The following LUZP2 variants were observed in gnomAD, a reference collection of about 807,000 sequenced individuals.
LUZP2 encodes leucine zipper protein 2.
LUZP2 carries 52 observed loss-of-function variants against 51.6 expected under a neutral mutation model. The ratio of observed to expected loss-of-function variants is 1.01; its 90% CI spans 0.81 to 1.27. The LOEUF is 1.27. LUZP2 is among the 50% of genes most tolerant of loss of function. LUZP2 has a pLI of 0.00. For synonymous variants in LUZP2, 154 were observed against 137.3 expected (o/e 1.12, Z -0.85); for missense variants, 436 against 395.4 (o/e 1.10, Z -0.87).
At chr11:24,765,516 G>A (rs186124327) in intron 5 of LUZP2, among the ~76,000 whole-genome samples, 4 of 151,972 alleles carry the variant, frequency 2.6e-5, no homozygotes, top group South Asian at 4.1e-4. Flanking sequence ...TGAGACAACC[G>A]TATGGGTTTT....
rs1342622120 is a variant in LUZP2, at chr11:25,018,083, G to T, written c.766-31955G>T. 3.1e-5 allele frequency among the ~76,000 whole-genome samples: 4 copies of T among 129,256 alleles called. No individual in the cohort carries two copies. In the Admixed American group the frequency reaches 3.3e-4, roughly 11 times the overall value. The allele number at this position is 129,256 out of a possible 152,430, so 84.8% of individuals were successfully genotyped here. A position where few individuals can be genotyped will look rare whatever the true frequency, so the allele number is the denominator to read the frequency against. On this transcript the variant is annotated intron_variant, in intron 9 of 11. Transcript: ENST00000336930. Reference sequence around the variant, plus strand: ...TTGCAGCTGTTTTAAAAAGGATTGAGTTCTTGACTTCTTGATTTGATATTC... The same window carrying T: ...TTGCAGCTGTTTTAAAAAGGATTGATTTCTTGACTTCTTGATTTGATATTC...
chr11:25,016,817 T>C (rs892900890), intron 9 of LUZP2, among the ~76,000 whole-genome samples: 1 of 152,156 alleles, frequency 6.6e-6, no homozygotes, highest in Non-Finnish European at 1.5e-5. Flanking sequence ...GATCGAATGG[T>C]AGATCTACTT....
chr11:24,527,567 TCACACACACACACA>T lies in LUZP2; in HGVS notation c.62+30281_62+30294del, dbSNP rs1554948856. 2.7e-4 allele frequency among the ~76,000 whole-genome samples: 36 copies of T among 131,644 alleles called. No individual in the cohort carries two copies. The East Asian group carries it at 4.8e-3, about 18-fold the overall frequency. 86.4% of individuals were successfully genotyped at this position (131,644 alleles called of 152,430 possible). On this transcript the variant is annotated intron_variant, in intron 1 of 11. Coordinates refer to ENST00000336930, the MANE Select transcript of LUZP2 (RefSeq NM_001009909.4). ...AAATAAGAATCTCTCTCTCTCTCTC[TCACACACACACACA>T]CACACACACACACACACATTTATTT... is the stretch of plus-strand genomic sequence containing the variant.
At chr11:24,683,214 A>G (rs765734102) in intron 1 of LUZP2, among the ~76,000 whole-genome samples, 1 of 152,328 alleles carries the variant, frequency 6.6e-6, no homozygotes, top group Admixed American at 6.5e-5. Flanking sequence ...ATGCTGCTTC[A>G]TTTCACTACA....
chr11:24,684,575 G>A (rs145430272), intron 1 of LUZP2, among the ~76,000 whole-genome samples: 4 of 152,318 alleles, frequency 2.6e-5, no homozygotes, highest in Non-Finnish European at 5.9e-5. Context: ...GCTTCAGGGA[G>A]CTGAAGCCAT....
chr11:24,580,483 C>A (rs1395668612), intron 1 of LUZP2, among the ~76,000 whole-genome samples: 1 of 152,040 alleles, frequency 6.6e-6, no homozygotes, highest in African/African-American at 2.4e-5. Flanking sequence ...AATTTGAGCA[C>A]CTAGCATAGC....
chr11:24,999,638 TA>T (rs1856619580), intron 9 of LUZP2, among the ~76,000 whole-genome samples: 1 of 152,234 alleles, frequency 6.6e-6, no homozygotes, highest in African/African-American at 2.4e-5. Context: ...GTGCTGAGAT[TA>T]CAGGTGTGAG....
At chr11:24,926,655 G>GTATATA (rs1565120814) in intron 7 of LUZP2, among the ~76,000 whole-genome samples, 19 of 126,110 alleles carry the variant, frequency 1.5e-4, no homozygotes, top group Non-Finnish European at 1.9e-4. Flanking sequence ...ATATATGTGT[G>GTATATA]TGTATATATA....
At chr11:24,840,059 T>A (rs974923) in intron 5 of LUZP2, among the ~76,000 whole-genome samples, 49,752 of 151,560 alleles carry the variant, frequency 0.33, 8,333 homozygotes, top group Admixed American at 0.36. Flanking sequence ...CAAAATTTTT[T>A]AAATTTCATT....
intron 1 of LUZP2, among the ~76,000 whole-genome samples, chr11:24,682,302 C>G (rs1190698407): frequency 6.6e-6 from 1 of 151,910 alleles, no homozygotes; most frequent in Non-Finnish European, 1.5e-5. Context: ...TGAGACCAGC[C>G]TGGCCAACAT....
intron 5 of LUZP2, chr11:24,892,140 G>T (rs371337058): frequency 1.0e-6 from 1 of 985,556 alleles, no homozygotes; most frequent in Non-Finnish European, 1.2e-6. Flanking sequence ...AGACTCGTTT[G>T]CTTGTTATTT....
chr11:25,035,858 A>C (rs765228151), intron 9 of LUZP2, among the ~76,000 whole-genome samples: 1 of 152,040 alleles, frequency 6.6e-6, no homozygotes, highest in South Asian at 2.1e-4. Context: ...CTGCTGCTGC[A>C]CTCAGTTTGC....
At chr11:25,017,156 G>C (rs1366316971) in intron 9 of LUZP2, among the ~76,000 whole-genome samples, 1 of 152,056 alleles carries the variant, frequency 6.6e-6, no homozygotes, top group Non-Finnish European at 1.5e-5. Flanking sequence ...TAAGTTCCTT[G>C]TAGATTCTGG....
chr11:24,602,148 ATGTATATATGTATATATG>A (rs1243236463), intron 1 of LUZP2, among the ~76,000 whole-genome samples: 10 of 83,104 alleles, frequency 1.2e-4, no homozygotes, highest in African/African-American at 5.2e-4. Context: ...ATATGTATAT[ATGTATATATGTATATATG>A]TGTATATATA....
intron 9 of LUZP2, among the ~76,000 whole-genome samples, chr11:25,016,443 T>G (rs769222198): frequency 1.3e-5 from 2 of 152,036 alleles, no homozygotes; most frequent in Non-Finnish European, 2.9e-5. Flanking sequence ...CTTAGAGTAA[T>G]GACCTCCAGT....
chr11:24,927,901 CTA>C (rs1565122425), intron 7 of LUZP2, among the ~76,000 whole-genome samples: 1 of 151,912 alleles, frequency 6.6e-6, no homozygotes, highest in Non-Finnish European at 1.5e-5. Flanking sequence ...TTTGTTTTGT[CTA>C]TGATTTCTTT....
intron 1 of LUZP2, among the ~76,000 whole-genome samples, chr11:24,691,302 T>G (rs1565079433): frequency 1.3e-5 from 2 of 151,986 alleles, no homozygotes; most frequent in Admixed American, 6.6e-5. Context: ...TTAAAAAAAT[T>G]TACATATTCA....
intron 7 of LUZP2, among the ~76,000 whole-genome samples, chr11:24,927,947 T>A (rs1854329230): frequency 6.6e-6 from 1 of 152,004 alleles, no homozygotes; most frequent in Non-Finnish European, 1.5e-5. Context: ...TGTAGAGACC[T>A]TTCACCTCCT....
At chr11:24,980,399 T>A (rs1449284397) in intron 8 of LUZP2, among the ~76,000 whole-genome samples, 2 of 151,696 alleles carry the variant, frequency 1.3e-5, no homozygotes, top group East Asian at 3.9e-4. Flanking sequence ...TATTATACAG[T>A]GTAAATGGTA....
Sources: allele counts gnomAD v4.1 joint callset (sites outside exome capture counted in the v4.1 genomes callset), GRCh38; gene constraint gnomAD v4.1.1; transcripts MANE v1.5; gene names NCBI Gene and HGNC (gene_info 2026-07-23, HGNC 2026-07-21).